ABCA12: variants seen among roughly 807,000 people sequenced by gnomAD.
ABCA12 encodes glucosylceramide transporter ABCA12.
A neutral mutation model predicts 293.5 loss-of-function variants in ABCA12; 156 were observed. The observed-to-expected ratio is 0.53, with a 90% confidence interval of 0.47 to 0.61. ABCA12 has a LOEUF of 0.61. ABCA12 is among the 20% of genes least tolerant of loss of function. The pLI is 0.00. For missense variants in ABCA12, 2,797 were observed against 3,090.2 expected (o/e 0.91, Z 2.25); for synonymous variants, 1,063 against 1,108.0 (o/e 0.96, Z 0.81).
intron 39 of ABCA12, among the ~76,000 whole-genome samples, chr2:214,964,858 A>G (rs1699215313): frequency 6.6e-6 from 1 of 152,228 alleles, no homozygotes. Flanking sequence ...GACATTCTTC[A>G]CAGAATTAGA....
intron 2 of ABCA12, among the ~76,000 whole-genome samples, chr2:215,104,116 A>C (rs967466880): frequency 4.6e-5 from 7 of 152,332 alleles, no homozygotes; most frequent in African/African-American, 1.7e-4. Context: ...CTTATGAAGG[A>C]AAGAGAAAAG....
At chr2:215,057,462 C>T (rs1701442000) in intron 3 of ABCA12, among the ~76,000 whole-genome samples, 1 of 151,922 alleles carries the variant, frequency 6.6e-6, no homozygotes. Context: ...TCAAAAGCTC[C>T]GGATACCAAA....
intron 48 of ABCA12, among the ~76,000 whole-genome samples, chr2:214,946,180 G>T (rs1463022445): frequency 6.6e-6 from 1 of 151,982 alleles, no homozygotes; most frequent in African/African-American, 2.4e-5. Flanking sequence ...ATATCACACT[G>T]TACTCCATAA....
At chr2:215,051,212 T>C (rs1036341895) in intron 5 of ABCA12, among the ~76,000 whole-genome samples, 1 of 152,118 alleles carries the variant, frequency 6.6e-6, no homozygotes, top group African/African-American at 2.4e-5. Context: ...TGTGCTTGAT[T>C]GGGGGAAGCT....
intron 45 of ABCA12, among the ~76,000 whole-genome samples, chr2:214,950,214 A>G (rs1039971040): frequency 1.2e-4 from 19 of 152,136 alleles, no homozygotes; most frequent in African/African-American, 2.7e-4. Context: ...CTACAGTACT[A>G]CATTATTTTA....
At chr2:215,007,955 A>T in intron 18 of ABCA12, 109 bp from the exon 19 acceptor site, 1 of 1,400,874 alleles carries the variant, frequency 7.1e-7, no homozygotes, top group Non-Finnish European at 9.9e-7. Flanking sequence ...CAGTTCTAAA[A>T]CATGAAGTTA....
chr2:214,965,903 A>G (rs1267704882), intron 39 of ABCA12, among the ~76,000 whole-genome samples: 1 of 152,252 alleles, frequency 6.6e-6, no homozygotes, highest in Non-Finnish European at 1.5e-5. Context: ...CCAAAGGAAT[A>G]TAAATAATTT....
In ABCA12 at chr2:215,011,942, A is replaced by T. The variant is rs367917512; in HGVS notation, c.2121+29T>A. Reference sequence around the variant, plus strand: ...TCAATATGACAGAAGGCATTTTTCAACAAGAACATTACTGGGTGACTTTGC... The same window carrying T: ...TCAATATGACAGAAGGCATTTTTCATCAAGAACATTACTGGGTGACTTTGC... On this transcript the variant is annotated intron_variant, in intron 16 of 52. Coordinates refer to ENST00000272895, the MANE Select transcript of ABCA12 (RefSeq NM_173076.3). The T allele has an allele frequency of 3.7e-6, 6 of 1,612,758 alleles. No homozygotes were observed. In the African/African-American group the frequency reaches 8.0e-5, roughly 22 times the overall value.
At chr2:215,106,787 G>A (rs1008985170) in intron 2 of ABCA12, among the ~76,000 whole-genome samples, 5 of 150,916 alleles carry the variant, frequency 3.3e-5, no homozygotes, top group African/African-American at 7.3e-5. Flanking sequence ...AATGTTGGAC[G>A]TTCTTGCATT....
Position 214,934,207 on chromosome 2 carries a change from G to A in ABCA12, c.7551C>T (p.His2517=). 1.9e-6 allele frequency: 3 copies of A among 1,613,704 alleles called. No homozygotes were observed. Among genetic ancestry groups the A allele is most frequent in the Non-Finnish European group, 2.5e-6 (3 of 1,179,732 alleles). Residue 2517 remains histidine, a synonymous_variant, in exon 52 of 53, where the codon CAC becomes CAT. Coordinates refer to ENST00000272895, the MANE Select transcript of ABCA12 (RefSeq NM_173076.3). ...GTACATGATACTCTAGCATGCTGAGGTGCTGATCCTGTGGGAACCAAAGGA... is the reference window on the plus strand; with the variant it reads ...GTACATGATACTCTAGCATGCTGAGATGCTGATCCTGTGGGAACCAAAGGA... ...HFPKTYLKDQ[H]LSMLEYHVPV...
At chr2:214,996,596 C>T (rs1237355894) in intron 23 of ABCA12, among the ~76,000 whole-genome samples, 3 of 152,074 alleles carry the variant, frequency 2.0e-5, no homozygotes, top group Admixed American at 2.0e-4. Context: ...CTGAAAACAA[C>T]AGGACTCAAA....
At chr2:215,044,691 A>T (rs536433361) in intron 7 of ABCA12, among the ~76,000 whole-genome samples, 5 of 152,250 alleles carry the variant, frequency 3.3e-5, no homozygotes, top group Non-Finnish European at 7.4e-5. Context: ...TAACTGTAGA[A>T]CCTTGGGGAA....
intron 9 of ABCA12, among the ~76,000 whole-genome samples, chr2:215,030,485 T>C (rs1559156313): frequency 6.7e-6 from 1 of 150,312 alleles, no homozygotes; most frequent in Non-Finnish European, 1.5e-5. Flanking sequence ...GCGCCTGTAG[T>C]CCCAGCTACT....
chr2:215,065,260 G>A (rs1701618305), intron 2 of ABCA12, among the ~76,000 whole-genome samples: 1 of 74,504 alleles, frequency 1.3e-5, no homozygotes. Flanking sequence ...GGAAAATTAA[G>A]GCTAAAAAGC....
intron 9 of ABCA12, among the ~76,000 whole-genome samples, chr2:215,027,483 G>A (rs1283387018): frequency 6.6e-6 from 1 of 152,058 alleles, no homozygotes; most frequent in East Asian, 1.9e-4. Context: ...ATATTTAATT[G>A]TTTTAATATG....
chr2:215,001,643 T>C lies in ABCA12; in HGVS notation c.2778A>G (p.Leu926=), dbSNP rs752930127. Residue 926 remains leucine, a synonymous_variant, in exon 21 of 53, where the codon TTA becomes TTG. Transcript: ENST00000272895. The part of the protein sequence containing the change: ...SLTVNISSCV[L]YDRIQAAKTI... ...TTTTTGCTGCCTGAATACGGTCATA[T>C]AATACACAAGAGGAAATATTTACTG... The C allele has an allele frequency of 4.3e-6, 7 of 1,613,852 alleles. No individual in the cohort carries two copies. The highest frequency in any genetic ancestry group is 5.9e-6 in the Non-Finnish European group (7 of 1,179,830).
chr2:215,070,229 AT>A (rs1399222117), intron 2 of ABCA12, among the ~76,000 whole-genome samples: 4 of 152,188 alleles, frequency 2.6e-5, no homozygotes, highest in Non-Finnish European at 5.9e-5. Context: ...ATTGACATCC[AT>A]AAATGTCAAC....
At chr2:215,024,019 CAT>C (rs1242956532) in intron 11 of ABCA12, among the ~76,000 whole-genome samples, 1 of 152,222 alleles carries the variant, frequency 6.6e-6, no homozygotes, top group African/African-American at 2.4e-5. Context: ...CAGCTGAACA[CAT>C]GACTGCAGAT....
chr2:215,126,380 ATTC>A (rs759792734), intron 1 of ABCA12, among the ~76,000 whole-genome samples: 3 of 152,176 alleles, frequency 2.0e-5, no homozygotes, highest in African/African-American at 4.8e-5. Context: ...ATTGGTACCA[ATTC>A]TTCTTTGAAT....
Sources: gnomAD v4.1 joint callset for allele counts (sites outside exome capture counted in the v4.1 genomes callset) on GRCh38, gnomAD v4.1.1 for gene constraint, MANE v1.5 for transcripts, NCBI Gene and HGNC (gene_info 2026-07-23, HGNC 2026-07-21) for gene names.